Variants in MEF2C observed in about 807,000 individuals in gnomAD.
MEF2C encodes the protein myocyte enhancer factor 2C.
In MEF2C, 6 loss-of-function variants were observed where a neutral mutation model predicts 50.5. The ratio of observed to expected loss-of-function variants is 0.12; its 90% CI spans 0.07 to 0.23. The LOEUF (loss-of-function observed/expected upper bound fraction) is 0.23, where lower values mean the gene tolerates loss of function less well. Among genes scored for constraint, MEF2C ranks in the 10% least tolerant of loss-of-function variants. MEF2C has a pLI of 1.00. For missense variants in MEF2C, 276 were observed against 605.0 expected (o/e 0.46, Z 5.70); for synonymous variants, 183 against 228.0 (o/e 0.80, Z 1.78).
intron 2 of MEF2C, among the ~76,000 whole-genome samples, chr5:88,823,340 A>G (rs1243504852): frequency 1.3e-5 from 2 of 151,930 alleles, no homozygotes; most frequent in Non-Finnish European, 2.9e-5. Context: ...TATTTATCCT[A>G]TATTATAAAC....
rs1197069509 is a variant in MEF2C at position 88,717,430 on chromosome 5, T to C, written c.*5174A>G. On this transcript the variant is annotated 3_prime_UTR_variant, in exon 11 of 11. Transcript: ENST00000504921. ...ATGCCTTTTATCTCCTATTAGTTTA[T>C]AAGTTTCCTAAGAGAAAGGGCTACA... is the stretch of plus-strand genomic sequence containing the variant. The C allele has an allele frequency of 6.6e-6, 1 of 152,208 alleles. No homozygotes were observed. Among genetic ancestry groups the C allele is most frequent in the African/African-American group, 2.4e-5 (1 of 41,458 alleles). 9.4% of individuals were successfully genotyped at this position (152,208 alleles called of 1,614,324 possible).
intron 1 of MEF2C, among the ~76,000 whole-genome samples, chr5:88,861,661 C>G (rs1320801333): frequency 6.6e-6 from 1 of 152,114 alleles, no homozygotes; most frequent in Non-Finnish European, 1.5e-5. Flanking sequence ...TTCTGCAGAA[C>G]CAGTATTAGG....
intron 2 of MEF2C, chr5:88,819,346 T>C: frequency 1.0e-6 from 1 of 985,240 alleles, no homozygotes; most frequent in East Asian, 1.1e-4. Flanking sequence ...CAGTTTTAAC[T>C]GTACAATCTT....
chr5:88,736,759 G>C (rs541734783), intron 6 of MEF2C: 3 of 985,212 alleles, frequency 3.0e-6, no homozygotes, highest in Non-Finnish European at 3.6e-6. Context: ...TGCCCTGCCT[G>C]GCTCTCAGAA....
At chr5:88,830,560 C>T (rs550200882) in intron 1 of MEF2C, among the ~76,000 whole-genome samples, 1 of 152,120 alleles carries the variant, frequency 6.6e-6, no homozygotes, top group South Asian at 2.1e-4. Context: ...ACACTTTTTT[C>T]ACACTGCAGC....
At chr5:88,878,973 T>A (rs866922601) in intron 1 of MEF2C, among the ~76,000 whole-genome samples, 1 of 152,056 alleles carries the variant, frequency 6.6e-6, no homozygotes, top group Admixed American at 6.6e-5. Flanking sequence ...CTTAGTAAGA[T>A]ATTGTGATGG....
chr5:88,752,647 G>A (rs1773370547), intron 4 of MEF2C: 22 of 985,308 alleles, frequency 2.2e-5, no homozygotes, highest in Non-Finnish European at 2.7e-5. Flanking sequence ...TGGCAATTCA[G>A]AAAACACTAT....
intron 1 of MEF2C, among the ~76,000 whole-genome samples, chr5:88,872,578 C>G (rs1671539): frequency 0.54 from 81,613 of 151,074 alleles, 22,560 homozygotes; most frequent in African/African-American, 0.66. Context: ...ATTTCTAAAT[C>G]ACCATTAGCA....
intron 2 of MEF2C, among the ~76,000 whole-genome samples, chr5:88,806,212 C>T (rs1343541928): frequency 6.6e-6 from 1 of 152,070 alleles, no homozygotes; most frequent in Non-Finnish European, 1.5e-5. Flanking sequence ...CAGAATGAAT[C>T]ATTTAAACTT....
Position 88,722,606 on chromosome 5 carries a change from A to G in MEF2C, c.1420T>C (p.Ter474ArgextTer57), listed in dbSNP as rs1227804681. 1 of 1,609,180 alleles carries G rather than the reference A, an allele frequency of 6.2e-7. No homozygotes were observed. The highest frequency in any genetic ancestry group is 8.5e-7 in the Non-Finnish European group (1 of 1,177,492). Residue 474 changes from the stop codon to arginine, a stop_lost, in exon 11 of 11, where the codon TGA (stop) becomes CGA (arginine). Coordinates refer to ENST00000504921, the MANE Select transcript of MEF2C (RefSeq NM_002397.5). ...RMRLSEGWAT[*>R] is the part of the protein sequence containing the mutation. ...AAAACTAGTAAGTAATAATCTGATCATGTTGCCCATCCTTCAGAAAGTCGC... is the reference window on the plus strand; with the variant it reads ...AAAACTAGTAAGTAATAATCTGATCGTGTTGCCCATCCTTCAGAAAGTCGC...
intron 1 of MEF2C, among the ~76,000 whole-genome samples, chr5:88,831,986 C>CT (rs1428363613): frequency 6.6e-6 from 1 of 152,132 alleles, no homozygotes; most frequent in Non-Finnish European, 1.5e-5. Flanking sequence ...GCCAAGTTCT[C>CT]TGTTTCATTC....
intron 10 of MEF2C, among the ~76,000 whole-genome samples, chr5:88,725,811 C>T (rs958248350): frequency 6.6e-6 from 1 of 152,088 alleles, no homozygotes; most frequent in Non-Finnish European, 1.5e-5. Context: ...TCAGAGTTAT[C>T]TCTCTCAGTA....
At chr5:88,840,954 A>T (rs1486207508) in intron 1 of MEF2C, among the ~76,000 whole-genome samples, 1 of 152,196 alleles carries the variant, frequency 6.6e-6, no homozygotes. Flanking sequence ...TCATAGCACC[A>T]GTTCTTATAT....
intron 1 of MEF2C, among the ~76,000 whole-genome samples, chr5:88,831,671 T>C (rs555612435): frequency 6.6e-6 from 1 of 152,164 alleles, no homozygotes; most frequent in East Asian, 1.9e-4. Flanking sequence ...TGCTCAAATA[T>C]GTGATGTTCA....
At chr5:88,784,549 A>C (rs1205854054) in intron 3 of MEF2C, among the ~76,000 whole-genome samples, 3 of 152,224 alleles carry the variant, frequency 2.0e-5, no homozygotes, top group Non-Finnish European at 4.4e-5. Context: ...TAGCATAGTT[A>C]CCATAGCTCA....
chr5:88,732,746 C>T (rs1186367741), intron 6 of MEF2C, among the ~76,000 whole-genome samples: 1 of 152,172 alleles, frequency 6.6e-6, no homozygotes, highest in Non-Finnish European at 1.5e-5. Context: ...TTACAAATGC[C>T]AGCAGAGCTG....
intron 6 of MEF2C, chr5:88,740,327 A>G: frequency 1.0e-6 from 1 of 984,546 alleles, no homozygotes; most frequent in East Asian, 1.1e-4. Flanking sequence ...CATACTGTGT[A>G]AGCTCTGGAT....
chr5:88,739,043 A>G (rs1765315170), intron 6 of MEF2C: 2 of 982,514 alleles, frequency 2.0e-6, no homozygotes, highest in Non-Finnish European at 2.4e-6. Flanking sequence ...ATATACTTAA[A>G]TGGTAATGAT....
chr5:88,878,692 A>C (rs531300451), intron 1 of MEF2C, among the ~76,000 whole-genome samples: 35 of 152,156 alleles, frequency 2.3e-4, no homozygotes, highest in African/African-American at 7.9e-4. Context: ...TTTTCTAAAT[A>C]GTCTTTCTTT....
Sources: gnomAD v4.1 joint callset for allele counts (sites outside exome capture counted in the v4.1 genomes callset) on GRCh38, gnomAD v4.1.1 for gene constraint, MANE v1.5 for transcripts, NCBI Gene and HGNC (gene_info 2026-07-23, HGNC 2026-07-21) for gene names.